The following NBAS variants were observed in gnomAD, a reference collection of about 807,000 sequenced individuals.
NBAS encodes NAG/BC035112 fusion.
In NBAS, 219 loss-of-function variants were observed where a neutral mutation model predicts 302.5. The ratio of observed to expected loss-of-function variants is 0.72; its 90% CI spans 0.65 to 0.81. NBAS has a LOEUF of 0.81. NBAS is among the 30% of genes least tolerant of loss of function. NBAS has a pLI of 0.00. For synonymous variants in NBAS, 1,118 were observed against 1,021.6 expected, an observed-to-expected ratio of 1.09 and a Z score of -1.80; for missense variants, 2,932 against 2,841.6, an observed-to-expected ratio of 1.03 and a Z score of -0.72.
At chr2:15,488,755 T>A (rs755785233) in intron 12 of NBAS, 139 bp downstream of exon 12, 5 of 1,113,490 alleles carry the variant, frequency 4.5e-6, no homozygotes, top group South Asian at 1.3e-5. Context: ...TGTACTGATA[T>A]CATAATTTAA....
At chr2:15,302,562 G>C (rs985783158) in intron 40 of NBAS, among the ~76,000 whole-genome samples, 1 of 152,184 alleles carries the variant, frequency 6.6e-6, no homozygotes, top group Non-Finnish European at 1.5e-5. Context: ...CAGGGTGGGT[G>C]GGTAGTGTGA....
In NBAS at chr2:15,472,030, C is replaced by A. The variant is rs958169551; in HGVS notation, c.1725+1192G>T. On this transcript the variant is annotated intron_variant, in intron 16 of 51. Transcript: ENST00000281513. Reference sequence around the variant, plus strand: ...ATGGGAGGCAGGTAACAGGAAGTATCCAGTTTTGAGATTTAAGTTTTAAAA... The same window carrying A: ...ATGGGAGGCAGGTAACAGGAAGTATACAGTTTTGAGATTTAAGTTTTAAAA... Among the ~76,000 whole-genome samples the A allele has an allele frequency of 3.3e-5, 5 of 152,208 alleles. No individual in the cohort carries two copies. In the East Asian group the frequency reaches 5.8e-4, roughly 18 times the overall value.
downstream of NBAS, among the ~76,000 whole-genome samples, chr2:15,163,381 C>G (rs1663940914): frequency 2.0e-5 from 3 of 152,168 alleles, no homozygotes; most frequent in Admixed American, 2.0e-4. Context: ...ACATGGCCAA[C>G]AAGAGATAAG....
the NBAS span, among the ~76,000 whole-genome samples, chr2:14,788,353 G>A: frequency 0.013 from 1,937 of 151,288 alleles, 36 homozygotes; most frequent in African/African-American, 0.043. Context: ...GCTTTGTTCC[G>A]TTGCTGGTGA....
chr2:14,832,623 T>C, the NBAS span, among the ~76,000 whole-genome samples: 32 of 152,188 alleles, frequency 2.1e-4, no homozygotes, highest in Non-Finnish European at 8.8e-5. Context: ...GGAAAGTGGA[T>C]AGGCAGCCTC....
the NBAS span, among the ~76,000 whole-genome samples, chr2:15,145,389 G>A: frequency 8.4e-6 from 1 of 119,266 alleles, no homozygotes; most frequent in African/African-American, 3.3e-5. Context: ...TGAGATGTAT[G>A]TGTTTGTTTG....
chr2:15,125,687 T>C, the NBAS span, among the ~76,000 whole-genome samples: 2 of 152,224 alleles, frequency 1.3e-5, no homozygotes, highest in Non-Finnish European at 2.9e-5. Flanking sequence ...CAGACTTGGG[T>C]TGGGCCTGTT....
chr2:14,821,161 C>T, the NBAS span, among the ~76,000 whole-genome samples: 781 of 152,164 alleles, frequency 5.1e-3, 13 homozygotes, highest in African/African-American at 0.018. Flanking sequence ...CTCCTGACCT[C>T]GTGATCCGCC....
intron 41 of NBAS, among the ~76,000 whole-genome samples, chr2:15,289,161 T>C (rs1670190022): frequency 6.6e-6 from 1 of 152,204 alleles, no homozygotes; most frequent in African/African-American, 2.4e-5. Context: ...ATTGTAGCCT[T>C]GACCTCCCAG....
At chr2:14,951,259 T>C in the NBAS span, among the ~76,000 whole-genome samples, 1 of 151,992 alleles carries the variant, frequency 6.6e-6, no homozygotes, top group African/African-American at 2.4e-5. Context: ...AGGAAGAGAG[T>C]GATCCAGAAA....
chr2:14,963,551 C>T, the NBAS span, among the ~76,000 whole-genome samples: 8 of 152,192 alleles, frequency 5.3e-5, no homozygotes, highest in Non-Finnish European at 4.4e-5. Context: ...GTGTGTTTAA[C>T]ACCTACTTTC....
chr2:15,169,619 C>A (rs2125099540), intron 51 of NBAS, among the ~76,000 whole-genome samples: 1 of 152,282 alleles, frequency 6.6e-6, no homozygotes, highest in East Asian at 1.9e-4. Context: ...GGTGGAGTGG[C>A]CTAGAAGCCC....
chr2:15,252,007 C>T (rs1021384681), intron 44 of NBAS, among the ~76,000 whole-genome samples: 1 of 152,136 alleles, frequency 6.6e-6, no homozygotes, highest in Non-Finnish European at 1.5e-5. Flanking sequence ...TGAGGAAGCG[C>T]CCTGCATACT....
At chr2:15,448,976 C>T (rs1678880278) in intron 21 of NBAS, among the ~76,000 whole-genome samples, 1 of 152,024 alleles carries the variant, frequency 6.6e-6, no homozygotes, top group African/African-American at 2.4e-5. Context: ...GTAAGAAGCA[C>T]ACATTCTGAA....
intron 51 of NBAS, 82 bp downstream of exon 51, chr2:15,178,902 GTTAT>G: frequency 6.4e-7 from 1 of 1,573,496 alleles, no homozygotes; most frequent in South Asian, 1.1e-5. Context: ...TAACCACGGT[GTTAT>G]TTATGAGAAT....
chr2:15,554,205 G>T, intron 3 of NBAS, 67 bp from the exon 4 acceptor site: 3 of 1,231,616 alleles, frequency 2.4e-6, no homozygotes, highest in Non-Finnish European at 3.5e-6. Context: ...CAGACAAATA[G>T]CACATATACT....
At chr2:14,779,219 A>G in the NBAS span, among the ~76,000 whole-genome samples, 2 of 152,178 alleles carry the variant, frequency 1.3e-5, no homozygotes, top group Non-Finnish European at 2.9e-5. Flanking sequence ...ACAAGATCAC[A>G]TGTCTCATAT....
At chr2:15,098,081 T>TATA in the NBAS span, among the ~76,000 whole-genome samples, 4 of 24,948 alleles carry the variant, frequency 1.6e-4, 1 homozygote, top group African/African-American at 9.5e-4. Flanking sequence ...ATTGTATATA[T>TATA]TATATTGTAT....
At chr2:15,504,370 T>C (rs1459816026) in intron 10 of NBAS, among the ~76,000 whole-genome samples, 157 bp from the exon 11 acceptor site, 1 of 152,174 alleles carries the variant, frequency 6.6e-6, no homozygotes, top group East Asian at 1.9e-4. Flanking sequence ...TGGTGAGATT[T>C]TGTTTTTGTT....
Sources: allele counts gnomAD v4.1 joint callset (sites outside exome capture counted in the v4.1 genomes callset), GRCh38; gene constraint gnomAD v4.1.1; transcripts MANE v1.5; gene names NCBI Gene and HGNC (gene_info 2026-07-23, HGNC 2026-07-21).